Variants in IMMP2L observed in about 807,000 individuals in gnomAD.
The protein encoded by IMMP2L is inner mitochondrial membrane peptidase subunit 2.
Under a neutral mutation model 19.3 loss-of-function variants are expected in IMMP2L, and 18 were observed. The observed-to-expected ratio is 0.93, with a 90% CI of 0.64 to 1.38. The LOEUF is 1.38. Among genes scored for constraint, IMMP2L ranks in the 40% most tolerant of loss-of-function variants. IMMP2L has a pLI of 0.00. For missense variants in IMMP2L, 233 were observed against 218.2 expected, an observed-to-expected ratio of 1.07 and a Z score of -0.43; for synonymous variants, 76 against 73.0, an observed-to-expected ratio of 1.04 and a Z score of -0.21.
chr7:110,964,531 A>G (rs1303584778), intron 3 of IMMP2L, among the ~76,000 whole-genome samples: 1 of 152,060 alleles, frequency 6.6e-6, no homozygotes, highest in East Asian at 1.9e-4. Context: ...TACTTAATAC[A>G]GACATCATTT....
At chr7:111,068,227 T>G (rs1794672269) in intron 3 of IMMP2L, among the ~76,000 whole-genome samples, 1 of 152,188 alleles carries the variant, frequency 6.6e-6, no homozygotes, top group South Asian at 2.1e-4. Context: ...AGAAGACAGA[T>G]GGCTAAATTT....
At position 111,084,861 on chromosome 7, in the gene IMMP2L, T is replaced by C. The variant is rs1796179684; in HGVS notation, c.240-121296A>G. The stretch of plus-strand genomic sequence containing the variant: ...TTGATAGCTCTTCTGAGAAACTTAA[T>C]GTGAGGAGAACAGAGAAGGAAAGAT... On this transcript the variant is annotated intron_variant, in intron 3 of 5. Coordinates refer to ENST00000405709, the MANE Select transcript of IMMP2L (RefSeq NM_032549.4). Among the ~76,000 whole-genome samples, 3 of 152,152 alleles carry C rather than the reference T, an allele frequency of 2.0e-5. No homozygotes were observed. The South Asian group carries it at 6.2e-4, about 32-fold the overall frequency.
chr7:110,834,708 T>C (rs1340925071), intron 5 of IMMP2L, among the ~76,000 whole-genome samples: 1 of 152,182 alleles, frequency 6.6e-6, no homozygotes, highest in African/African-American at 2.4e-5. Context: ...AACTATAGCA[T>C]GTGACAGTGC....
At chr7:111,384,928 C>T (rs1445780858) in intron 3 of IMMP2L, among the ~76,000 whole-genome samples, 2 of 152,134 alleles carry the variant, frequency 1.3e-5, no homozygotes, top group East Asian at 3.9e-4. Flanking sequence ...TTACAGCACA[C>T]AAAGTACTTC....
chr7:111,160,258 C>T (rs1805105467), intron 3 of IMMP2L, among the ~76,000 whole-genome samples: 1 of 151,804 alleles, frequency 6.6e-6, no homozygotes, highest in African/African-American at 2.4e-5. Flanking sequence ...ATAAGTTATC[C>T]AAAAATATTA....
At chr7:110,673,428 C>T (rs1470287016) in intron 5 of IMMP2L, among the ~76,000 whole-genome samples, 3 of 152,214 alleles carry the variant, frequency 2.0e-5, no homozygotes, top group Non-Finnish European at 4.4e-5. Context: ...GAGACATTTT[C>T]CTCATTGTTT....
At chr7:110,761,352 C>T (rs902017120) in intron 5 of IMMP2L, among the ~76,000 whole-genome samples, 3 of 152,092 alleles carry the variant, frequency 2.0e-5, no homozygotes, top group African/African-American at 7.2e-5. Flanking sequence ...CAATGATGTC[C>T]TTTCCATGAC....
chr7:110,962,922 C>G, intron 4 of IMMP2L: 1 of 1,401,556 alleles, frequency 7.1e-7, no homozygotes, highest in Non-Finnish European at 9.2e-7. Flanking sequence ...ACAGTATTTA[C>G]TTGCTGAATG....
chr7:111,001,959 T>C (rs934558370), intron 3 of IMMP2L, among the ~76,000 whole-genome samples: 1 of 152,022 alleles, frequency 6.6e-6, no homozygotes, highest in African/African-American at 2.4e-5. Context: ...AACATGCAAA[T>C]ACCATCTAGG....
intron 5 of IMMP2L, among the ~76,000 whole-genome samples, chr7:110,885,649 A>G (rs1245354952): frequency 3.3e-5 from 5 of 152,032 alleles, no homozygotes; most frequent in African/African-American, 1.2e-4. Context: ...CATTCTACTT[A>G]TAACGGGTGA....
chr7:111,310,670 T>A lies in IMMP2L; in HGVS notation c.239+176568A>T, dbSNP rs1055133720. 3.3e-5 allele frequency among the ~76,000 whole-genome samples: 5 copies of A among 152,170 alleles called. No individual in the cohort carries two copies. The East Asian group carries it at 7.7e-4, about 23-fold the overall frequency. On this transcript the variant is annotated intron_variant, in intron 3 of 5. Transcript: ENST00000405709. ...AAAATTAACTCCAATATGTACTACA[T>A]TATGACAGAGCAGATTTTACATCGC...
At chr7:111,268,486 A>AT (rs1491280550) in intron 3 of IMMP2L, among the ~76,000 whole-genome samples, 3 of 130,480 alleles carry the variant, frequency 2.3e-5, no homozygotes, top group Admixed American at 7.4e-5. Context: ...CGTTTATCTA[A>AT]TAAAAAAAAA....
intron 3 of IMMP2L, among the ~76,000 whole-genome samples, chr7:111,186,325 T>C (rs975615750): frequency 2.0e-5 from 3 of 152,190 alleles, no homozygotes; most frequent in African/African-American, 7.2e-5. Context: ...GGACTATTCA[T>C]GTCCTTATGT....
intron 5 of IMMP2L, among the ~76,000 whole-genome samples, chr7:110,754,313 A>C (rs1797912224): frequency 6.6e-6 from 1 of 152,100 alleles, no homozygotes; most frequent in South Asian, 2.1e-4. Context: ...GATGAATAAT[A>C]CCTTATTTCA....
chr7:111,363,525 G>A (rs1829454076), intron 3 of IMMP2L, among the ~76,000 whole-genome samples: 1 of 152,102 alleles, frequency 6.6e-6, no homozygotes, highest in South Asian at 2.1e-4. Context: ...ACCAGCCAGT[G>A]TATTTCCTAA....
chr7:111,021,499 A>C (rs1585797763), intron 3 of IMMP2L, among the ~76,000 whole-genome samples: 1 of 152,242 alleles, frequency 6.6e-6, no homozygotes, highest in African/African-American at 2.4e-5. Flanking sequence ...GGGAGGCCTC[A>C]CAATTATGGC....
At position 111,085,740 on chromosome 7, in the gene IMMP2L, G is replaced by A. The variant is rs144701416; in HGVS notation, c.240-122175C>T. ...GCAAAGATATGAAACCAACCTAAAT[G>A]CCCATCAGTGATAGACTGGATAAAG... On this transcript the variant is annotated intron_variant, in intron 3 of 5. Transcript: ENST00000405709. Among the ~76,000 whole-genome samples, 1,116 of 152,178 alleles carry A rather than the reference G, an allele frequency of 7.3e-3. 16 individuals carry two copies. Among genetic ancestry groups the A allele is most frequent in the African/African-American group, 0.024 (1,006 of 41,484 alleles).
chr7:111,178,938 G>A (rs1807389134), intron 3 of IMMP2L, among the ~76,000 whole-genome samples: 1 of 151,812 alleles, frequency 6.6e-6, no homozygotes, highest in South Asian at 2.1e-4. Context: ...TGTTCTTAAT[G>A]GCATCTAGAA....
intron 3 of IMMP2L, among the ~76,000 whole-genome samples, chr7:111,383,877 G>A (rs1254007734): frequency 6.6e-6 from 1 of 152,074 alleles, no homozygotes; most frequent in East Asian, 1.9e-4. Flanking sequence ...ACCTTATCAA[G>A]GAAGTTTTCT....
Sources: allele counts gnomAD v4.1 joint callset (sites outside exome capture counted in the v4.1 genomes callset), GRCh38; gene constraint gnomAD v4.1.1; transcripts MANE v1.5; gene names NCBI Gene and HGNC (gene_info 2026-07-23, HGNC 2026-07-21).